The following CLYBL variants were observed in gnomAD, a reference collection of about 807,000 sequenced individuals.
CLYBL encodes citramalyl-CoA lyase, mitochondrial.
In CLYBL, 31 loss-of-function variants were observed where a neutral mutation model predicts 38.9. That is an observed-to-expected ratio of 0.80 (90% CI 0.60 to 1.08). The LOEUF is 1.08. CLYBL is among the 50% of genes least tolerant of loss of function. The pLI is 0.00. For missense variants in CLYBL, 434 were observed against 411.6 expected (o/e 1.05, Z -0.47); for synonymous variants, 171 against 158.6 (o/e 1.08, Z -0.59).
At chr13:99,711,621 G>T (rs2048234668) in intron 1 of CLYBL, among the ~76,000 whole-genome samples, 1 of 150,430 alleles carries the variant, frequency 6.6e-6, no homozygotes, top group African/African-American at 2.4e-5. Flanking sequence ...GGTCAGGCTG[G>T]TCTTGAACTC....
chr13:99,709,385 G>A (rs951566405), intron 1 of CLYBL, among the ~76,000 whole-genome samples: 4 of 152,174 alleles, frequency 2.6e-5, no homozygotes, highest in Non-Finnish European at 4.4e-5. Flanking sequence ...AGCCCTGGCC[G>A]AAGACACAGC....
At chr13:99,874,702 C>T (rs892959839) in intron 7 of CLYBL, among the ~76,000 whole-genome samples, 1 of 151,988 alleles carries the variant, frequency 6.6e-6, no homozygotes, top group Non-Finnish European at 1.5e-5. Context: ...TGTATGATAA[C>T]GTGTATTTCC....
chr13:99,656,374 A>G (rs931689328), intron 1 of CLYBL, among the ~76,000 whole-genome samples: 1 of 152,164 alleles, frequency 6.6e-6, no homozygotes, highest in African/African-American at 2.4e-5. Context: ...AAATCTCCCC[A>G]TGAACTAGCC....
intron 1 of CLYBL, among the ~76,000 whole-genome samples, chr13:99,696,646 G>GA (rs1024617636): frequency 7.4e-5 from 11 of 148,538 alleles, no homozygotes; most frequent in Non-Finnish European, 1.0e-4. Context: ...GGGAAAGAAG[G>GA]AAAAAAAAAA....
intron 1 of CLYBL, among the ~76,000 whole-genome samples, chr13:99,712,167 G>A (rs2048244067): frequency 6.6e-6 from 1 of 152,102 alleles, no homozygotes; most frequent in South Asian, 2.1e-4. Flanking sequence ...TTAACTTTCT[G>A]CTATGGAAGT....
At chr13:99,617,422 C>G (rs1018902108) in intron 1 of CLYBL, among the ~76,000 whole-genome samples, 1 of 152,158 alleles carries the variant, frequency 6.6e-6, no homozygotes, top group African/African-American at 2.4e-5. Context: ...ATACACTTGA[C>G]TTGTCTTCTT....
At chr13:99,820,969 T>G (rs2139032464) in intron 2 of CLYBL, among the ~76,000 whole-genome samples, 1 of 152,362 alleles carries the variant, frequency 6.6e-6, no homozygotes, top group Non-Finnish European at 1.5e-5. Context: ...TGTCTACTAC[T>G]GTACAGTATC....
At chr13:99,883,562 T>G (rs1440548613) in intron 7 of CLYBL, among the ~76,000 whole-genome samples, 1 of 151,796 alleles carries the variant, frequency 6.6e-6, no homozygotes, top group Admixed American at 6.6e-5. Flanking sequence ...TAAAATGTCA[T>G]CTCTCTTCCA....
downstream of CLYBL, among the ~76,000 whole-genome samples, chr13:99,898,775 C>T (rs1317667934): frequency 6.6e-6 from 1 of 152,200 alleles, no homozygotes; most frequent in Non-Finnish European, 1.5e-5. Flanking sequence ...CCTCCCAGCT[C>T]CCCTAGAGAC....
intron 1 of CLYBL, among the ~76,000 whole-genome samples, chr13:99,663,363 C>T (rs2047436307): frequency 6.6e-6 from 1 of 152,208 alleles, no homozygotes; most frequent in African/African-American, 2.4e-5. Flanking sequence ...AGAAGAATGT[C>T]TCTGCAGTAG....
intron 1 of CLYBL, among the ~76,000 whole-genome samples, chr13:99,712,172 G>A (rs892179308): frequency 2.6e-5 from 4 of 152,116 alleles, no homozygotes; most frequent in African/African-American, 9.7e-5. Flanking sequence ...TTTCTGCTAT[G>A]GAAGTTGAAG....
chr13:99,728,653 G>A (rs561887500), intron 1 of CLYBL, among the ~76,000 whole-genome samples: 1 of 151,862 alleles, frequency 6.6e-6, no homozygotes, highest in Admixed American at 6.6e-5. Flanking sequence ...ACGCCTCACT[G>A]CAGCCTCAAC....
At chr13:99,902,595 G>A (rs892550419) in intron 8 of CLYBL, among the ~76,000 whole-genome samples, 1 of 152,272 alleles carries the variant, frequency 6.6e-6, no homozygotes, top group Non-Finnish European at 1.5e-5. Context: ...CCAGTGTAGC[G>A]TTTATAAAAA....
chr13:99,858,400 AT>A (rs2051511803), intron 2 of CLYBL, among the ~76,000 whole-genome samples: 1 of 152,182 alleles, frequency 6.6e-6, no homozygotes, highest in Non-Finnish European at 1.5e-5. Flanking sequence ...AAAAATCCTT[AT>A]TTTTTCCCTA....
intron 2 of CLYBL, among the ~76,000 whole-genome samples, chr13:99,818,478 C>CGG (rs2050506685): frequency 6.6e-6 from 1 of 151,594 alleles, no homozygotes; most frequent in East Asian, 1.9e-4. Context: ...CACACACACA[C>CGG]ACACACGGAC....
At chr13:99,864,109 A>G (rs2051680117) in intron 4 of CLYBL, among the ~76,000 whole-genome samples, 1 of 152,242 alleles carries the variant, frequency 6.6e-6, no homozygotes, top group Admixed American at 6.5e-5. Flanking sequence ...ATTTAATTTT[A>G]AGCACTGCTT....
chr13:99,633,395 C>A (rs1277257823), intron 1 of CLYBL, among the ~76,000 whole-genome samples: 2 of 151,480 alleles, frequency 1.3e-5, no homozygotes, highest in Non-Finnish European at 2.9e-5. Context: ...CAAAACTGGG[C>A]ATGGTGGCAC....
At chr13:99,795,893 G>T (rs1188529705) in intron 2 of CLYBL, among the ~76,000 whole-genome samples, 2 of 152,170 alleles carry the variant, frequency 1.3e-5, no homozygotes, top group African/African-American at 4.8e-5. Context: ...CTGCCATTTT[G>T]CAGGGGAAGG....
intron 1 of CLYBL, among the ~76,000 whole-genome samples, chr13:99,628,089 G>A (rs2046894384): frequency 6.6e-6 from 1 of 152,128 alleles, no homozygotes; most frequent in African/African-American, 2.4e-5. Context: ...TAGTTAGCAC[G>A]ATCACTTCTC....
Sources: allele counts gnomAD v4.1 joint callset (sites outside exome capture counted in the v4.1 genomes callset), GRCh38; gene constraint gnomAD v4.1.1; transcripts MANE v1.5; gene names NCBI Gene and HGNC (gene_info 2026-07-23, HGNC 2026-07-21).